The following BTBD9 variants were observed in gnomAD, a reference collection of about 807,000 sequenced individuals.
BTBD9 encodes BTB/POZ domain-containing protein 9.
A neutral mutation model predicts 64.3 loss-of-function variants in BTBD9; 49 were observed. The observed-to-expected ratio is 0.76, with a 90% CI of 0.61 to 0.97. BTBD9 has a LOEUF of 0.97. Ranked by LOEUF, BTBD9 falls within the 50% of genes least tolerant of loss-of-function variation. BTBD9 has a pLI of 0.00. For synonymous variants in BTBD9, 260 were observed against 274.7 expected (o/e 0.95, Z 0.53); for missense variants, 598 against 762.1 (o/e 0.78, Z 2.53).
rs76010370 is a variant in BTBD9 at position 38,259,402 on chromosome 6, G to A, written c.1455-2886C>T. Among the ~76,000 whole-genome samples, 591 of 152,062 alleles carry A rather than the reference G, an allele frequency of 3.9e-3. 2 individuals carry two copies. Among genetic ancestry groups the A allele is most frequent in the African/African-American group, 0.013 (544 of 41,460 alleles). On this transcript the variant is annotated intron_variant, in intron 8 of 10. Coordinates refer to ENST00000481247, the MANE Select transcript of BTBD9 (RefSeq NM_001099272.2). ...GTTTTCCTTCACCGTTACCTTTTTT[G>A]TTGTTGGGGAAGGTTGGGAGGACAG...
chr6:38,318,954 C>T (rs929485703), intron 7 of BTBD9, among the ~76,000 whole-genome samples: 2 of 152,224 alleles, frequency 1.3e-5, no homozygotes, highest in Admixed American at 6.5e-5. Context: ...CTCTATTCCA[C>T]TGCGACTACG....
chr6:38,177,135 G>GTGTAATCCC (rs2127470671), intron 10 of BTBD9, among the ~76,000 whole-genome samples: 1 of 152,204 alleles, frequency 6.6e-6, no homozygotes, highest in Non-Finnish European at 1.5e-5. Flanking sequence ...TTGGTTATTT[G>GTGTAATCCC]TGTAATCCCT....
At chr6:38,315,843 G>A (rs2127573333) in intron 7 of BTBD9, among the ~76,000 whole-genome samples, 1 of 152,334 alleles carries the variant, frequency 6.6e-6, no homozygotes, top group Non-Finnish European at 1.5e-5. Context: ...CTATAGCACA[G>A]AGTAAGTCTG....
chr6:38,547,227 C>A (rs573999416), intron 6 of BTBD9, among the ~76,000 whole-genome samples: 1 of 152,220 alleles, frequency 6.6e-6, no homozygotes, highest in East Asian at 1.9e-4. Context: ...AAGAGTGACA[C>A]ATCTCTCACT....
intron 7 of BTBD9, among the ~76,000 whole-genome samples, chr6:38,292,246 G>A (rs1761991314): frequency 6.6e-6 from 1 of 152,200 alleles, no homozygotes; most frequent in Non-Finnish European, 1.5e-5. Flanking sequence ...TTACAGGCAT[G>A]AGCCACCACG....
chr6:38,624,291 A>G (rs547497249), intron 1 of BTBD9, among the ~76,000 whole-genome samples: 2 of 152,330 alleles, frequency 1.3e-5, no homozygotes, highest in South Asian at 2.1e-4. Context: ...CCCAGCCAGC[A>G]GCTGCAACCT....
chr6:38,193,408 T>C (rs1309035795), intron 9 of BTBD9, among the ~76,000 whole-genome samples: 1 of 152,132 alleles, frequency 6.6e-6, no homozygotes, highest in Non-Finnish European at 1.5e-5. Context: ...TCTTTCCTGC[T>C]TCCAAAACGC....
chr6:38,402,068 ATAAAAT>A (rs1766950967), intron 6 of BTBD9, among the ~76,000 whole-genome samples: 1 of 152,184 alleles, frequency 6.6e-6, no homozygotes, highest in South Asian at 2.1e-4. Flanking sequence ...AAAAATGAAA[ATAAAAT>A]TAAGAAAACA....
intron 4 of BTBD9, among the ~76,000 whole-genome samples, chr6:38,584,172 C>G (rs1216598106): frequency 6.6e-6 from 1 of 151,974 alleles, no homozygotes; most frequent in Non-Finnish European, 1.5e-5. Context: ...ACTAAAAATA[C>G]AAAAAATTAG....
In BTBD9 at chr6:38,171,553, CGGGTGTGTGTGTGTGTGTGTGTGT is replaced by C. The variant is rs1272689113; in HGVS notation, c.*3408_*3431del. On this transcript the variant is annotated 3_prime_UTR_variant, in exon 11 of 11. Transcript: ENST00000481247. ...AAAAAGCACTGAGAAAATGGTAAAA[CGGGTGTGTGTGTGTGTGTGTGTGT>C]GTGTGTGTGTGTGTGTGTGTGTGTG... is the stretch of plus-strand genomic sequence containing the variant. 3 of 99,002 alleles carry C rather than the reference CGGGTGTGTGTGTGTGTGTGTGTGT, an allele frequency of 3.0e-5. No homozygotes were observed. Among genetic ancestry groups the C allele is most frequent in the African/African-American group, 1.3e-4 (3 of 23,338 alleles). 6.1% of individuals were successfully genotyped at this position (99,002 alleles called of 1,614,324 possible).
chr6:38,356,415 T>C (rs1764730422), intron 6 of BTBD9, among the ~76,000 whole-genome samples: 1 of 152,174 alleles, frequency 6.6e-6, no homozygotes, highest in African/African-American at 2.4e-5. Flanking sequence ...TGTCATCTTG[T>C]TCTACTTTCT....
chr6:38,350,185 T>C (rs977759939), intron 6 of BTBD9, among the ~76,000 whole-genome samples: 5 of 152,216 alleles, frequency 3.3e-5, no homozygotes, highest in African/African-American at 1.2e-4. Flanking sequence ...AGAGACAGCA[T>C]AGTACTATGA....
At chr6:38,311,735 C>A (rs1004757404) in intron 7 of BTBD9, among the ~76,000 whole-genome samples, 2 of 152,188 alleles carry the variant, frequency 1.3e-5, no homozygotes, top group African/African-American at 4.8e-5. Flanking sequence ...ACATCTTTGT[C>A]AACATTTGTT....
At position 38,536,039 on chromosome 6, in the gene BTBD9, T is replaced by C. The variant is rs371907653; in HGVS notation, c.1154+41561A>G. On this transcript the variant is annotated intron_variant, in intron 6 of 10. Coordinates refer to ENST00000481247, the MANE Select transcript of BTBD9 (RefSeq NM_001099272.2). ...AGCTTCTGCACAGCAAAAGAAACAA[T>C]CAACAAAGTGAAGAAACAACTCACA... Among the ~76,000 whole-genome samples the C allele has an allele frequency of 2.0e-4, 29 of 144,144 alleles. 1 individual carries two copies. Among genetic ancestry groups the C allele is most frequent in the African/African-American group, 6.8e-4 (28 of 41,192 alleles). 94.6% of individuals were successfully genotyped at this position (144,144 alleles called of 152,430 possible).
intron 6 of BTBD9, among the ~76,000 whole-genome samples, chr6:38,439,604 T>G (rs1178086026): frequency 6.6e-6 from 1 of 151,956 alleles, no homozygotes. Context: ...TTTTTGAATT[T>G]TTAGTAGAGA....
At chr6:38,254,566 A>C (rs1034939463) in intron 9 of BTBD9, among the ~76,000 whole-genome samples, 1 of 152,140 alleles carries the variant, frequency 6.6e-6, no homozygotes, top group Admixed American at 6.6e-5. Context: ...GAGCCCAGGA[A>C]TTTGAGGTTA....
At chr6:38,475,413 G>A (rs1217404320) in intron 6 of BTBD9, among the ~76,000 whole-genome samples, 1 of 152,214 alleles carries the variant, frequency 6.6e-6, no homozygotes, top group African/African-American at 2.4e-5. Context: ...CTACAGCCCA[G>A]CTTCCACCAT....
At chr6:38,262,512 A>G (rs1764829442) in intron 8 of BTBD9, among the ~76,000 whole-genome samples, 2 of 150,706 alleles carry the variant, frequency 1.3e-5, no homozygotes, top group Non-Finnish European at 2.9e-5. Context: ...GATTTTGCTT[A>G]CATCTTCCAT....
At chr6:38,297,420 A>G (rs1026344323) in intron 7 of BTBD9, among the ~76,000 whole-genome samples, 1 of 152,188 alleles carries the variant, frequency 6.6e-6, no homozygotes, top group Non-Finnish European at 1.5e-5. Context: ...AGTTTTTCCT[A>G]CAATTCTGTT....
Sources: allele counts gnomAD v4.1 joint callset (sites outside exome capture counted in the v4.1 genomes callset), GRCh38; gene constraint gnomAD v4.1.1; transcripts MANE v1.5; gene names NCBI Gene and HGNC (gene_info 2026-07-23, HGNC 2026-07-21).